CHAT: variants seen among roughly 807,000 people sequenced by gnomAD.
CHAT encodes acetyl CoA:choline O-acetyltransferase.
In CHAT, 61 loss-of-function variants were observed where a neutral mutation model predicts 76.9. That is an observed-to-expected ratio of 0.79 (90% CI 0.65 to 0.98). The LOEUF is 0.98. Among genes scored for constraint, CHAT ranks in the 50% least tolerant of loss-of-function variants. The probability of loss-of-function intolerance (pLI) is 0.00; values close to 1 mark genes in which losing one functional copy is unlikely to be tolerated. For synonymous variants in CHAT, 407 were observed against 397.4 expected (o/e 1.02, Z -0.29); for missense variants, 946 against 986.9 (o/e 0.96, Z 0.56).
intron 9 of CHAT, among the ~76,000 whole-genome samples, chr10:49,648,899 A>G (rs1839775762): frequency 1.3e-5 from 2 of 152,164 alleles, no homozygotes; most frequent in Non-Finnish European, 2.9e-5. Context: ...GGAAGCCTAC[A>G]TCGATACCTA....
At chr10:49,662,528 G>A in intron 13 of CHAT, 117 bp from the exon 14 acceptor site, 2 of 1,331,644 alleles carry the variant, frequency 1.5e-6, no homozygotes, top group Non-Finnish European at 1.1e-6. Flanking sequence ...CAGGCACTGG[G>A]TAAGCATGAG....
chr10:49,662,178 G>A (rs1305476224), intron 13 of CHAT, among the ~76,000 whole-genome samples: 2 of 152,194 alleles, frequency 1.3e-5, no homozygotes, highest in South Asian at 4.1e-4. Flanking sequence ...TGTGGTGGGA[G>A]TCTGTTCAGG....
At chr10:49,656,805 A>C (rs1203047642) in intron 13 of CHAT, among the ~76,000 whole-genome samples, 2 of 152,156 alleles carry the variant, frequency 1.3e-5, no homozygotes, top group Non-Finnish European at 2.9e-5. Flanking sequence ...GTTGCTGGTT[A>C]AGAACCTTTC....
At chr10:49,655,530 C>T (rs1393570072) in intron 13 of CHAT, 82 bp downstream of exon 13, 1 of 1,311,146 alleles carries the variant, frequency 7.6e-7, no homozygotes, top group Non-Finnish European at 1.1e-6. Flanking sequence ...GGCATAAGAC[C>T]CTGTGTGAGG....
At chr10:49,638,900 T>G (rs1839382055) in intron 7 of CHAT, among the ~76,000 whole-genome samples, 2 of 152,228 alleles carry the variant, frequency 1.3e-5, no homozygotes, top group African/African-American at 4.8e-5. Context: ...CTTCTTGATA[T>G]TCCAATGTTT....
chr10:49,648,497 C>G lies in CHAT; in HGVS notation c.1282-10C>G. The G allele has an allele frequency of 1.2e-6, 2 of 1,611,480 alleles. 1 individual carries two copies. The highest frequency in any genetic ancestry group is 1.7e-6 in the Non-Finnish European group (2 of 1,177,870). The stretch of plus-strand genomic sequence containing the variant: ...TCCCATGATCGCCCACTCCCTCTTT[C>G]CTGTTGCAGTTTGTGGTGGGCCGAG... On this transcript the variant is annotated splice_polypyrimidine_tract_variant and intron_variant, in intron 8 of 14. Transcript: ENST00000337653.
chr10:49,667,422 C>T lies in CHAT; in HGVS notation c.*2376C>T, dbSNP rs1840361816. Among the ~76,000 whole-genome samples, 1 of 152,220 alleles carries T rather than the reference C, an allele frequency of 6.6e-6. No homozygotes were observed. Among genetic ancestry groups the T allele is most frequent in the African/African-American group, 2.4e-5 (1 of 41,460 alleles). On this transcript the variant is annotated 3_prime_UTR_variant, in exon 15 of 15. Coordinates refer to ENST00000337653, the MANE Select transcript of CHAT (RefSeq NM_020549.5). ...ACATGGAAAGGTAACTCACTCTGTA[C>T]ATTCAGATATCAAACTATGCACTGT...
upstream of CHAT, chr10:49,611,416 C>T: frequency 6.3e-7 from 1 of 1,597,878 alleles, no homozygotes; most frequent in Non-Finnish European, 8.5e-7. Flanking sequence ...CTTCGGAAGC[C>T]TAGTGGCCCC....
chr10:49,642,159 C>G (rs1337025997), intron 7 of CHAT, among the ~76,000 whole-genome samples: 1 of 152,194 alleles, frequency 6.6e-6, no homozygotes, highest in East Asian at 1.9e-4. Flanking sequence ...TTTAAAGGAG[C>G]CTCGATGTGC....
intron 11 of CHAT, among the ~76,000 whole-genome samples, chr10:49,654,721 C>A (rs1373464178): frequency 3.3e-5 from 5 of 152,244 alleles, no homozygotes; most frequent in Non-Finnish European, 7.3e-5. Context: ...AAACAGGATT[C>A]CCGCATAGGT....
intron 7 of CHAT, among the ~76,000 whole-genome samples, chr10:49,640,658 G>C (rs972599467): frequency 6.6e-6 from 1 of 152,088 alleles, no homozygotes; most frequent in Non-Finnish European, 1.5e-5. Flanking sequence ...CCTCATTACT[G>C]ACTGGTGATG....
chr10:49,655,180 A>G lies in CHAT; in HGVS notation c.1720A>G (p.Thr574Ala). ...ACGCGTGGACAACATCAGATCGGCCACTCCAGAGGCACTGGCTTTTGTGAG... is the reference window on the plus strand; with the variant it reads ...ACGCGTGGACAACATCAGATCGGCCGCTCCAGAGGCACTGGCTTTTGTGAG... ...EGRVDNIRSA[T>A]PEALAFVRAV... The change falls in exon 12 of 15, where the codon ACT becomes GCT. Residue 574 changes from threonine (T) to alanine (A), a missense_variant. By Grantham distance (58) the Thr-to-Ala change is moderately conservative. Coordinates refer to ENST00000337653, the MANE Select transcript of CHAT (RefSeq NM_020549.5). 6.2e-7 allele frequency: 1 copy of G among 1,613,842 alleles called. No individual in the cohort carries two copies. The highest frequency in any genetic ancestry group is 8.5e-7 in the Non-Finnish European group (1 of 1,179,986).
chr10:49,625,420 T>A, intron 5 of CHAT, 53 bp from the exon 6 acceptor site: 2 of 1,568,398 alleles, frequency 1.3e-6, no homozygotes, highest in Admixed American at 3.4e-5. Context: ...CTGTCTCCCC[T>A]CACCACCCAC....
At chr10:49,616,785 AG>A (rs1330070579) in intron 2 of CHAT, among the ~76,000 whole-genome samples, 183 bp downstream of exon 2, 1 of 152,180 alleles carries the variant, frequency 6.6e-6, no homozygotes, top group Non-Finnish European at 1.5e-5. Flanking sequence ...AAGGGCCTGG[AG>A]GGGCTGAGAC....
At chr10:49,654,968 A>G in intron 11 of CHAT, 127 bp from the exon 12 acceptor site, 1 of 1,029,396 alleles carries the variant, frequency 9.7e-7, no homozygotes, top group Non-Finnish European at 1.5e-6. Flanking sequence ...TTAATATTAA[A>G]ATGAAATATT....
chr10:49,622,222 G>T (rs1838756931), intron 5 of CHAT, 72 bp downstream of exon 5: 1 of 1,507,382 alleles, frequency 6.6e-7, no homozygotes, highest in African/African-American at 1.4e-5. Flanking sequence ...CAGGGACCTT[G>T]TCTTTTTCCA....
At chr10:49,634,727 G>A (rs1839241303) in intron 7 of CHAT, among the ~76,000 whole-genome samples, 1 of 151,970 alleles carries the variant, frequency 6.6e-6, no homozygotes, top group South Asian at 2.1e-4. Context: ...TTTTGTTTTT[G>A]TTTTTGTATC....
chr10:49,612,050 T>C (rs1838313456), upstream of CHAT: 2 of 1,613,628 alleles, frequency 1.2e-6, no homozygotes, highest in Non-Finnish European at 1.7e-6. Context: ...CTCGGGCCCA[T>C]AGTGGCAGGC....
chr10:49,636,079 A>G lies in CHAT; in HGVS notation c.1111+8294A>G, dbSNP rs148716325. Among the ~76,000 whole-genome samples the G allele has an allele frequency of 1.8e-3, 267 of 152,324 alleles. 1 individual carries two copies. The highest frequency in any genetic ancestry group is 5.3e-3 in the African/African-American group (219 of 41,582). On this transcript the variant is annotated intron_variant, in intron 7 of 14. Transcript: ENST00000337653. ...AATACATGAATTCAGCAAGGTTGCA[A>G]TATAAAAGATTAACGTACAAAACTC... is the stretch of plus-strand genomic sequence containing the variant.
Sources: allele counts gnomAD v4.1 joint callset (sites outside exome capture counted in the v4.1 genomes callset), GRCh38; gene constraint gnomAD v4.1.1; transcripts MANE v1.5; gene names NCBI Gene and HGNC (gene_info 2026-07-23, HGNC 2026-07-21).